EYS: variants seen among roughly 807,000 people sequenced by gnomAD.
The protein encoded by EYS is protein eyes shut homolog.
Under a neutral mutation model 282.1 loss-of-function variants are expected in EYS, and 250 were observed. That is an observed-to-expected ratio of 0.89 (90% confidence interval 0.80 to 0.98). The LOEUF is 0.98. Ranked by LOEUF, EYS falls within the 50% of genes least tolerant of loss-of-function variation. EYS has a pLI of 0.00. For missense variants in EYS, 4,016 were observed against 3,709.0 expected, an observed-to-expected ratio of 1.08 and a Z score of -2.15; for synonymous variants, 1,355 against 1,282.9, an observed-to-expected ratio of 1.06 and a Z score of -1.20.
chr6:65,357,214 A>G (rs899901037), intron 8 of EYS, among the ~76,000 whole-genome samples: 2 of 152,036 alleles, frequency 1.3e-5, no homozygotes, highest in Non-Finnish European at 2.9e-5. Context: ...TATATTTACA[A>G]AAGCTTTATT....
chr6:65,127,066 C>G (rs1775740061), intron 12 of EYS, among the ~76,000 whole-genome samples: 1 of 152,080 alleles, frequency 6.6e-6, no homozygotes, highest in Non-Finnish European at 1.5e-5. Flanking sequence ...ACAATGAAAA[C>G]TGTTTCAAAA....
chr6:65,448,163 G>A (rs1312376612), intron 5 of EYS, among the ~76,000 whole-genome samples: 1 of 151,988 alleles, frequency 6.6e-6, no homozygotes, highest in African/African-American at 2.4e-5. Flanking sequence ...GCAAAAAGCT[G>A]ATACAAACAC....
intron 2 of EYS, among the ~76,000 whole-genome samples, chr6:65,511,362 TGTGTGA>T (rs921832779): frequency 2.7e-5 from 4 of 150,492 alleles, no homozygotes; most frequent in African/African-American, 1.0e-4. Flanking sequence ...TGTGTGTGTG[TGTGTGA>T]GAGAGAGAGA....
At chr6:65,158,258 T>G (rs995793885) in intron 12 of EYS, among the ~76,000 whole-genome samples, 10 of 150,900 alleles carry the variant, frequency 6.6e-5, no homozygotes, top group Admixed American at 2.0e-4. Flanking sequence ...AGAAATATTA[T>G]AAGGAATGTA....
chr6:63,799,248 G>A (rs924789423), intron 37 of EYS, among the ~76,000 whole-genome samples: 5 of 151,278 alleles, frequency 3.3e-5, no homozygotes, highest in African/African-American at 4.9e-5. Flanking sequence ...TCCTGACCTC[G>A]GGTGATCCAC....
chr6:64,207,293 C>T (rs1333154434), intron 31 of EYS, among the ~76,000 whole-genome samples: 2 of 151,838 alleles, frequency 1.3e-5, no homozygotes, highest in Non-Finnish European at 2.9e-5. Context: ...GCTCTTCCAC[C>T]ATGGGATAAC....
At chr6:65,557,106 A>C (rs761483988) in intron 2 of EYS, among the ~76,000 whole-genome samples, 4 of 152,208 alleles carry the variant, frequency 2.6e-5, no homozygotes, top group Non-Finnish European at 4.4e-5. Context: ...TATAACAAGA[A>C]TTATAACAAT....
intron 19 of EYS, among the ~76,000 whole-genome samples, chr6:64,833,388 G>A (rs1429268302): frequency 1.3e-5 from 2 of 151,802 alleles, no homozygotes; most frequent in Admixed American, 6.6e-5. Context: ...ATAATCAGTG[G>A]GATGTACCGG....
intron 28 of EYS, among the ~76,000 whole-genome samples, chr6:64,423,496 C>T (rs577096708): frequency 3.2e-4 from 48 of 152,310 alleles, no homozygotes; most frequent in African/African-American, 1.1e-3. Context: ...ATAGAATCGT[C>T]ATGCCTCTTG....
intron 33 of EYS, among the ~76,000 whole-genome samples, chr6:64,030,711 C>T (rs940554443): frequency 2.6e-5 from 4 of 152,124 alleles, no homozygotes; most frequent in African/African-American, 9.7e-5. Flanking sequence ...GCCTTTGGAC[C>T]CTGTATTTTT....
intron 22 of EYS, among the ~76,000 whole-genome samples, chr6:64,644,153 C>T (rs1768271919): frequency 6.6e-6 from 1 of 152,124 alleles, no homozygotes; most frequent in African/African-American, 2.4e-5. Context: ...TGTATACAGT[C>T]TACCTTTCAG....
chr6:65,031,400 C>A (rs1377864407), intron 13 of EYS, among the ~76,000 whole-genome samples: 1 of 151,980 alleles, frequency 6.6e-6, no homozygotes, highest in African/African-American at 2.4e-5. Flanking sequence ...ATGTACAGAA[C>A]ACTCCACTCA....
At chr6:65,534,376 A>AT (rs888467252) in intron 2 of EYS, among the ~76,000 whole-genome samples, 4 of 152,148 alleles carry the variant, frequency 2.6e-5, no homozygotes, top group Non-Finnish European at 5.9e-5. Flanking sequence ...AAAGAGCTGG[A>AT]TTTGCAGCTT....
intron 12 of EYS, among the ~76,000 whole-genome samples, chr6:65,109,754 C>T (rs1483000578): frequency 6.6e-6 from 1 of 151,964 alleles, no homozygotes; most frequent in Non-Finnish European, 1.5e-5. Context: ...CCCACAGTGA[C>T]AGTAATTTAC....
At chr6:65,420,494 T>C (rs1767414088) in intron 5 of EYS, among the ~76,000 whole-genome samples, 2 of 151,924 alleles carry the variant, frequency 1.3e-5, no homozygotes, top group Non-Finnish European at 2.9e-5. Flanking sequence ...TCTTCTACTG[T>C]TGTTTTAAAC....
In EYS at chr6:64,439,194, T is replaced by TA. The variant is rs1455826633; in HGVS notation, c.5802dup (p.Ile1935TyrfsTer6). On this transcript the variant is annotated frameshift_variant, in exon 27 of 43. Coordinates refer to ENST00000503581, the MANE Select transcript of EYS (RefSeq NM_001142800.2). LOFTEE classifies it high-confidence loss of function. Reference sequence around the variant, plus strand: ...GTACCATTTTCAATAAACAATTGAATAAAAAATCCATCTACTAAATTTGAG... The same window carrying TA: ...GTACCATTTTCAATAAACAATTGAATAAAAAAATCCATCTACTAAATTTGAG... The TA allele has an allele frequency of 7.4e-6, 11 of 1,478,142 alleles. No homozygotes were observed. In the South Asian group the frequency reaches 8.6e-5, roughly 12 times the overall value. The allele number at this position is 1,478,142 out of a possible 1,614,324, so 91.6% of individuals were successfully genotyped here.
chr6:63,789,295 T>C (rs1366672321), intron 37 of EYS, 71 bp from the exon 38 acceptor site: 1 of 1,422,314 alleles, frequency 7.0e-7, no homozygotes, highest in Non-Finnish European at 9.6e-7. Flanking sequence ...TTTATTTTAC[T>C]GACTGGTTCT....
intron 13 of EYS, among the ~76,000 whole-genome samples, chr6:65,005,905 C>A (rs958607451): frequency 6.6e-6 from 1 of 152,208 alleles, no homozygotes; most frequent in African/African-American, 2.4e-5. Context: ...CCGACCACGA[C>A]TTTTTTGAAA....
At chr6:65,562,944 G>A (rs1769123530) in intron 2 of EYS, among the ~76,000 whole-genome samples, 1 of 152,038 alleles carries the variant, frequency 6.6e-6, no homozygotes, top group African/African-American at 2.4e-5. Context: ...GCTTCATGAA[G>A]TTTAATAAAA....
Sources: gnomAD v4.1 joint callset for allele counts (sites outside exome capture counted in the v4.1 genomes callset) on GRCh38, gnomAD v4.1.1 for gene constraint, MANE v1.5 for transcripts, NCBI Gene and HGNC (gene_info 2026-07-23, HGNC 2026-07-21) for gene names.